The following SPTLC2 variants were observed in gnomAD, a reference collection of about 807,000 sequenced individuals.
SPTLC2 encodes serine palmitoyltransferase 2.
In SPTLC2, 21 loss-of-function variants were observed where a neutral mutation model predicts 62.0. That is an observed-to-expected ratio of 0.34 (90% CI 0.24 to 0.49). SPTLC2 has a LOEUF of 0.49. Among genes scored for constraint, SPTLC2 ranks in the 20% least tolerant of loss-of-function variants. The pLI is 0.99. For synonymous variants in SPTLC2, 261 were observed against 261.8 expected (o/e 1.00, Z 0.03); for missense variants, 511 against 713.0 (o/e 0.72, Z 3.23).
At chr14:77,520,765 G>A (rs1018102491) in intron 10 of SPTLC2, among the ~76,000 whole-genome samples, 4 of 152,202 alleles carry the variant, frequency 2.6e-5, no homozygotes, top group Non-Finnish European at 5.9e-5. Context: ...AGAAGCTGGT[G>A]TAATCTGCAC....
intron 4 of SPTLC2, among the ~76,000 whole-genome samples, chr14:77,576,015 C>T (rs1459635255): frequency 1.3e-5 from 2 of 152,226 alleles, no homozygotes; most frequent in Admixed American, 1.3e-4. Flanking sequence ...TCCAGCCATA[C>T]AGCCACCACT....
At chr14:77,586,078 C>CTTTTTTTTTT (rs57174185) in intron 2 of SPTLC2, among the ~76,000 whole-genome samples, 3 of 137,478 alleles carry the variant, frequency 2.2e-5, no homozygotes, top group Non-Finnish European at 3.1e-5. Flanking sequence ...TTTCTTTTTT[C>CTTTTTTTTTT]TTTTTTTTTT....
rs184381532 is a variant in SPTLC2, at chr14:77,552,041, G to C, written c.1303+55C>G. 310 of 1,607,064 alleles carry C rather than the reference G, an allele frequency of 1.9e-4. 1 individual carries two copies. Among genetic ancestry groups the C allele is most frequent in the Non-Finnish European group, 2.5e-4 (295 of 1,177,424 alleles). ...TTAGGAAAAAAGCTCAAGAAAAACA[G>C]CACGTTTGGCTGCTAGGTGGACTTA... is the stretch of plus-strand genomic sequence containing the variant. On this transcript the variant is annotated intron_variant, in intron 9 of 11. Coordinates refer to ENST00000216484, the MANE Select transcript of SPTLC2 (RefSeq NM_004863.4).
At chr14:77,548,790 G>T (rs2079541957) in intron 9 of SPTLC2, among the ~76,000 whole-genome samples, 1 of 152,152 alleles carries the variant, frequency 6.6e-6, no homozygotes, top group African/African-American at 2.4e-5. Context: ...GGAAAGGAGC[G>T]CTCACAAAGT....
intron 9 of SPTLC2, among the ~76,000 whole-genome samples, chr14:77,547,147 G>T (rs939699899): frequency 8.6e-5 from 13 of 151,436 alleles, no homozygotes; most frequent in African/African-American, 3.2e-4. Context: ...TTACAGGTGT[G>T]AGCCATCGCA....
intron 1 of SPTLC2, among the ~76,000 whole-genome samples, chr14:77,607,033 G>A (rs549494701): frequency 6.6e-6 from 1 of 151,904 alleles, no homozygotes; most frequent in African/African-American, 2.4e-5. Context: ...ACAAATAAGA[G>A]GTAAGAGGTA....
intron 9 of SPTLC2, among the ~76,000 whole-genome samples, chr14:77,550,803 C>T (rs2079551504): frequency 6.6e-6 from 1 of 151,224 alleles, no homozygotes; most frequent in Non-Finnish European, 1.5e-5. Context: ...ACTTGGGAGG[C>T]TGAAACAGGA....
intron 1 of SPTLC2, among the ~76,000 whole-genome samples, chr14:77,611,294 C>T (rs578233890): frequency 6.6e-6 from 1 of 150,722 alleles, no homozygotes; most frequent in Non-Finnish European, 1.5e-5. Context: ...CAGAGCAAGA[C>T]TCTGTCTCAA....
chr14:77,518,479 C>T (rs549748920), intron 10 of SPTLC2, among the ~76,000 whole-genome samples: 9 of 151,988 alleles, frequency 5.9e-5, no homozygotes, highest in Non-Finnish European at 1.3e-4. Flanking sequence ...CACCTGTAGT[C>T]CCAGCTACTC....
chr14:77,600,107 G>A (rs1056920506), intron 1 of SPTLC2, among the ~76,000 whole-genome samples: 10 of 152,106 alleles, frequency 6.6e-5, no homozygotes, highest in Admixed American at 2.6e-4. Context: ...AAAGATATCC[G>A]CCTTGATTTC....
At chr14:77,523,015 C>T (rs575369108) in intron 9 of SPTLC2, among the ~76,000 whole-genome samples, 1 of 152,204 alleles carries the variant, frequency 6.6e-6, no homozygotes, top group Non-Finnish European at 1.5e-5. Flanking sequence ...CAGAAAAACA[C>T]TCAAGCTTAG....
At chr14:77,539,837 G>A (rs1285872077) in intron 9 of SPTLC2, among the ~76,000 whole-genome samples, 2 of 150,884 alleles carry the variant, frequency 1.3e-5, no homozygotes, top group South Asian at 2.1e-4. Context: ...TAGCTGGCAC[G>A]TGGTTAAGTA....
intron 2 of SPTLC2, among the ~76,000 whole-genome samples, chr14:77,594,837 C>T (rs2079837905): frequency 6.8e-6 from 1 of 146,846 alleles, no homozygotes; most frequent in Non-Finnish European, 1.5e-5. Flanking sequence ...AGGAGAGGTC[C>T]CTGCAGATAA....
intron 2 of SPTLC2, among the ~76,000 whole-genome samples, chr14:77,596,181 C>CA (rs915388766): frequency 3.3e-5 from 5 of 151,764 alleles, no homozygotes; most frequent in African/African-American, 4.8e-5. Context: ...ACTAAAAACA[C>CA]AAAAAAAATT....
intron 10 of SPTLC2, among the ~76,000 whole-genome samples, chr14:77,520,279 T>C (rs1174756505): frequency 1.3e-5 from 2 of 152,222 alleles, no homozygotes; most frequent in East Asian, 1.9e-4. Flanking sequence ...CCCATATGAC[T>C]TCATGTTGAA....
At position 77,597,257 on chromosome 14, in the gene SPTLC2, A is replaced by G; in HGVS notation, c.256T>C (p.Tyr86His). 1 of 1,614,222 alleles carries G rather than the reference A, an allele frequency of 6.2e-7. No individual in the cohort carries two copies. The highest frequency in any genetic ancestry group is 8.5e-7 in the Non-Finnish European group (1 of 1,180,038). Residue 86 changes from tyrosine (Y) to histidine (H), a missense_variant, in exon 2 of 12, where the codon TAT becomes CAT. Coordinates refer to ENST00000216484, the MANE Select transcript of SPTLC2 (RefSeq NM_004863.4). ...CAATACCTCAAGAAATCTCGAAGAT[A>G]TCCAAAGAGGGTGAGTACGCCATAC... ...VGYGVLTLFG[Y>H]LRDFLRYWRI...
intron 9 of SPTLC2, among the ~76,000 whole-genome samples, chr14:77,548,728 T>C (rs768584243): frequency 6.6e-6 from 1 of 152,082 alleles, no homozygotes; most frequent in Non-Finnish European, 1.5e-5. Context: ...TGTTCTTCCT[T>C]GGGAAAAGGA....
chr14:77,565,154 A>T (rs1165269983), intron 5 of SPTLC2, among the ~76,000 whole-genome samples: 1 of 143,172 alleles, frequency 7.0e-6, no homozygotes, highest in Non-Finnish European at 1.5e-5. Context: ...AGGCAGGAGA[A>T]TTGCTTGAAC....
rs1287671698 is a variant in SPTLC2, at chr14:77,589,483, T to A, written c.327+7703A>T. Among the ~76,000 whole-genome samples, 12 of 2,516 alleles carry A rather than the reference T, an allele frequency of 4.8e-3. No individual in the cohort carries two copies. In the Non-Finnish European group the frequency reaches 0.052, roughly 11 times the overall value. 1.7% of individuals were successfully genotyped at this position (2,516 alleles called of 152,430 possible). On this transcript the variant is annotated intron_variant, in intron 2 of 11. Coordinates refer to ENST00000216484, the MANE Select transcript of SPTLC2 (RefSeq NM_004863.4). ...TCACAATACCATTCATATCTTAAACTTTTTTTTTTTTTTTTAGAGATAATG... is the reference window on the plus strand; with the variant it reads ...TCACAATACCATTCATATCTTAAACATTTTTTTTTTTTTTTAGAGATAATG...
Sources: allele counts gnomAD v4.1 joint callset (sites outside exome capture counted in the v4.1 genomes callset), GRCh38; gene constraint gnomAD v4.1.1; transcripts MANE v1.5; gene names NCBI Gene and HGNC (gene_info 2026-07-23, HGNC 2026-07-21).